The following USP42 variants were observed in gnomAD, a reference collection of about 807,000 sequenced individuals.
USP42 encodes the protein ubiquitin specific peptidase 42.
USP42 carries 23 observed loss-of-function variants against 113.0 expected under a neutral mutation model. That is an observed-to-expected ratio of 0.20 (90% CI 0.15 to 0.29). USP42 has a LOEUF of 0.29. Among genes scored for constraint, USP42 ranks in the 10% least tolerant of loss-of-function variants. The pLI, the probability that USP42 is intolerant of heterozygous loss-of-function variation, is 1.00. For missense variants in USP42, 2,174 were observed against 1,779.8 expected, an observed-to-expected ratio of 1.22 and a Z score of -3.99; for synonymous variants, 933 against 699.0, an observed-to-expected ratio of 1.33 and a Z score of -5.28.
At chr7:6,094,010 C>T in the USP42 span, among the ~76,000 whole-genome samples, 45 of 151,024 alleles carry the variant, frequency 3.0e-4, 5 homozygotes, top group African/African-American at 1.1e-3. Flanking sequence ...CTTCCTCAGC[C>T]TCCTGAGTAG....
intron 3 of USP42, among the ~76,000 whole-genome samples, chr7:6,121,778 C>A (rs1407535079): frequency 6.6e-6 from 1 of 152,206 alleles, no homozygotes; most frequent in South Asian, 2.1e-4. Flanking sequence ...AGTGCTCCCA[C>A]CTCAGCTTCC....
chr7:6,143,950 C>T, intron 8 of USP42, 135 bp from the exon 9 acceptor site: 1 of 512,466 alleles, frequency 2.0e-6, no homozygotes, highest in Non-Finnish European at 3.4e-6. Context: ...TGGTTGAAGG[C>T]TGGTGGTTCT....
chr7:6,152,884 C>T (rs1782154807), intron 14 of USP42: 1 of 979,340 alleles, frequency 1.0e-6, no homozygotes, highest in African/African-American at 1.8e-5. Flanking sequence ...CTTTGAGGGT[C>T]CAAGAGAAAT....
In USP42 at chr7:6,154,258, C is replaced by G. The variant is rs1238105364; in HGVS notation, c.2704C>G (p.Pro902Ala). The change falls in exon 15 of 18, where the codon CCT (proline) becomes GCT (alanine). Residue 902 changes from proline to alanine, a missense_variant. Physicochemically the swap from Pro to Ala is conservative, Grantham distance 27 (BLOSUM62 -1). Transcript: ENST00000306177. Reference sequence around the variant, plus strand: ...CGAGGCCGCAGAGCGGCCGCCAGCTCCTGTGCTGGACATGGCCCCGGCCGG... The same window carrying G: ...CGAGGCCGCAGAGCGGCCGCCAGCTGCTGTGCTGGACATGGCCCCGGCCGG... ...APEAAERPPA[P>A]VLDMAPAGHP... The G allele has an allele frequency of 6.2e-6, 10 of 1,604,576 alleles. No individual in the cohort carries two copies. Among genetic ancestry groups the G allele is most frequent in the Non-Finnish European group, 8.5e-6 (10 of 1,176,970 alleles).
At chr7:6,091,412 G>C in the USP42 span, among the ~76,000 whole-genome samples, 1 of 150,212 alleles carries the variant, frequency 6.7e-6, no homozygotes, top group Non-Finnish European at 1.5e-5. Flanking sequence ...AGTTTTTGTA[G>C]AGACAGGGTC....
At chr7:6,119,713 T>G (rs570104326) in intron 3 of USP42, among the ~76,000 whole-genome samples, 405 of 152,104 alleles carry the variant, frequency 2.7e-3, no homozygotes, top group African/African-American at 9.4e-3. Context: ...GTTGTTTTGT[T>G]TTTTTTTAGT....
chr7:6,139,023 A>ATT lies in USP42; in HGVS notation c.554-66_554-65dup. ...CAACCAACATATTATTATAAGATATATTTTGGGGGGTACAACTTAGGCTTA... is the reference window on the plus strand; with the variant it reads ...CAACCAACATATTATTATAAGATATATTTTTTGGGGGGTACAACTTAGGCTTA... On this transcript the variant is annotated intron_variant, in intron 4 of 17. Coordinates refer to ENST00000306177, the MANE Select transcript of USP42 (RefSeq NM_032172.3). The surrounding 1 kb of genome is among the most constrained non-coding windows in gnomAD (Gnocchi z 4.5). The ATT allele has an allele frequency of 1.0e-6, 1 of 987,008 alleles. No individual in the cohort carries two copies. Among genetic ancestry groups the ATT allele is most frequent in the Non-Finnish European group, 1.5e-6 (1 of 663,652 alleles). The allele number at this position is 987,008 out of a possible 1,614,324, so 61.1% of individuals were successfully genotyped here. A position where few individuals can be genotyped will look rare whatever the true frequency, so the allele number is the denominator to read the frequency against.
chr7:6,093,289 C>T, the USP42 span, among the ~76,000 whole-genome samples: 2,154 of 143,404 alleles, frequency 0.015, 27 homozygotes, highest in Non-Finnish European at 0.025. Flanking sequence ...TCTTCTCTCT[C>T]TTTTTTTTTG....
At position 6,149,816 on chromosome 7, in the gene USP42, C is replaced by A; in HGVS notation, c.1620C>A (p.Asn540Lys). The change falls in exon 13 of 18, where the codon AAC (asparagine) becomes AAA (lysine). Residue 540 changes from asparagine (N) to lysine (K), a missense_variant. Coordinates refer to ENST00000306177, the MANE Select transcript of USP42 (RefSeq NM_032172.3). ...LPVRQCQSQP[N>K]LHSNSLENPT... ...TTCGCCAGTGTCAGTCTCAACCTAA[C>A]CTTCATAGTAATTCTTTGGAGAACC... The A allele has an allele frequency of 6.2e-7, 1 of 1,614,024 alleles. No individual in the cohort carries two copies. Among genetic ancestry groups the A allele is most frequent in the East Asian group, 2.2e-5 (1 of 44,892 alleles).
rs1453894537 is a variant in USP42 at position 6,154,757 on chromosome 7, T to G, written c.3203T>G (p.Leu1068Arg). The change falls in exon 15 of 18, where the codon CTG becomes CGG. Residue 1068 changes from leucine (L) to arginine (R), a missense_variant. Transcript: ENST00000306177. ...RCRYYHDRYA[L>R]YAARDWKPFH... Reference sequence around the variant, plus strand: ...CGGTACTACCATGACAGGTACGCCCTGTACGCTGCCCGGGACTGGAAGCCC... The same window carrying G: ...CGGTACTACCATGACAGGTACGCCCGGTACGCTGCCCGGGACTGGAAGCCC... 1.3e-6 allele frequency: 2 copies of G among 1,561,842 alleles called. No homozygotes were observed. The highest frequency in any genetic ancestry group is 2.4e-5 in the East Asian group (1 of 41,596).
chr7:6,104,703 C>T (rs1175219560), upstream of USP42, among the ~76,000 whole-genome samples: 1 of 152,204 alleles, frequency 6.6e-6, no homozygotes, highest in African/African-American at 2.4e-5. Context: ...TCAGCGCGCT[C>T]CCTCTGCCGG....
intron 3 of USP42, among the ~76,000 whole-genome samples, chr7:6,117,740 A>G (rs1384275304): frequency 6.6e-6 from 1 of 152,166 alleles, no homozygotes; most frequent in East Asian, 1.9e-4. Context: ...AGCCATCTCC[A>G]TAGGTGTGTA....
chr7:6,155,245 G>T (rs6964819), intron 15 of USP42, 50 bp downstream of exon 15: 5 of 1,475,316 alleles, frequency 3.4e-6, no homozygotes, highest in Non-Finnish European at 3.6e-6. Context: ...GCTGTCAGCA[G>T]TGGGGCCTGT....
chr7:6,136,077 T>C (rs1781130297), intron 4 of USP42, 126 bp downstream of exon 4: 5 of 567,982 alleles, frequency 8.8e-6, no homozygotes, highest in African/African-American at 1.9e-5. Context: ...CTATTTCGGC[T>C]CACTGCAGCT....
At chr7:6,134,180 C>T (rs905674268) in intron 3 of USP42, among the ~76,000 whole-genome samples, 6 of 152,098 alleles carry the variant, frequency 3.9e-5, no homozygotes, top group African/African-American at 9.7e-5. Flanking sequence ...TATGAGCCAC[C>T]AGGCTCAGCC....
intron 1 of USP42, among the ~76,000 whole-genome samples, chr7:6,106,316 A>C (rs992669258): frequency 1.3e-5 from 2 of 152,256 alleles, no homozygotes; most frequent in Non-Finnish European, 2.9e-5. Context: ...TTGTTTACGA[A>C]GAAGCAGAGC....
chr7:6,125,273 G>A (rs1583612498), intron 3 of USP42, among the ~76,000 whole-genome samples: 3 of 151,678 alleles, frequency 2.0e-5, no homozygotes, highest in South Asian at 4.1e-4. Flanking sequence ...AGGATCACCT[G>A]AGGATGGGAG....
chr7:6,147,497 C>G (rs1486473514), intron 11 of USP42, among the ~76,000 whole-genome samples: 2 of 152,200 alleles, frequency 1.3e-5, no homozygotes, highest in Non-Finnish European at 2.9e-5. Flanking sequence ...GATGAAACAG[C>G]ATCTTCAGAA....
chr7:6,125,201 A>C (rs1173351431), intron 3 of USP42, among the ~76,000 whole-genome samples: 3 of 146,246 alleles, frequency 2.1e-5, no homozygotes, highest in Non-Finnish European at 3.0e-5. Flanking sequence ...AAAAAAAAAA[A>C]AAACAGGCAG....
Sources: allele counts gnomAD v4.1 joint callset (sites outside exome capture counted in the v4.1 genomes callset), GRCh38; gene constraint gnomAD v4.1.1; non-coding constraint Gnocchi (gnomAD v3.1); transcripts MANE v1.5; gene names NCBI Gene and HGNC (gene_info 2026-07-23, HGNC 2026-07-21).